The following TRAPPC12 variants were observed in gnomAD, a reference collection of about 807,000 sequenced individuals.
The protein encoded by TRAPPC12 is TPR repeat protein 15.
Under a neutral mutation model 69.2 loss-of-function variants are expected in TRAPPC12, and 61 were observed. The observed-to-expected ratio is 0.88, with a 90% CI of 0.72 to 1.09. TRAPPC12 has a LOEUF of 1.09. Among genes scored for constraint, TRAPPC12 ranks in the 50% least tolerant of loss-of-function variants. The pLI is 0.00. For missense variants in TRAPPC12, 1,101 were observed against 1,016.4 expected (o/e 1.08, Z -1.13); for synonymous variants, 469 against 438.9 (o/e 1.07, Z -0.86).
rs147620184 is a variant in TRAPPC12 at position 3,470,876 on chromosome 2, C to T, written c.1776+5181C>T. Among the ~76,000 whole-genome samples, 728 of 152,306 alleles carry T rather than the reference C, an allele frequency of 4.8e-3. 27 individuals carry two copies. Among genetic ancestry groups the T allele is most frequent in the Admixed American group, 0.041 (628 of 15,300 alleles). ...TGCTATAAAGGAACCATGCTAACTC[C>T]AGAGATGACCCAGCCGGACAGAGGT... On this transcript the variant is annotated intron_variant, in intron 9 of 11. Coordinates refer to ENST00000324266, the MANE Select transcript of TRAPPC12 (RefSeq NM_016030.6).
chr2:3,458,026 C>T, intron 7 of TRAPPC12: 2 of 1,135,274 alleles, frequency 1.8e-6, no homozygotes, highest in Non-Finnish European at 2.2e-6. Flanking sequence ...CCCAGAGGGG[C>T]CTCTGCGTCG....
At chr2:3,392,704 T>G (rs971913699) in intron 2 of TRAPPC12, among the ~76,000 whole-genome samples, 7 of 152,144 alleles carry the variant, frequency 4.6e-5, no homozygotes, top group African/African-American at 1.4e-4. Flanking sequence ...GGTGAGGGTG[T>G]GGAGAAAGGG....
intron 9 of TRAPPC12, chr2:3,467,778 G>A (rs11686236): frequency 0.27 from 40,427 of 152,236 alleles, 5,520 homozygotes; most frequent in East Asian, 0.4. Context: ...AACACTCCTG[G>A]GTGCACCTGG....
At chr2:3,418,197 CAA>C (rs1450163951) in intron 3 of TRAPPC12, among the ~76,000 whole-genome samples, 1 of 151,044 alleles carries the variant, frequency 6.6e-6, no homozygotes, top group Non-Finnish European at 1.5e-5. Context: ...CATATCTCTA[CAA>C]ATACTCGCCT....
chr2:3,455,231 A>C (rs1424951918), intron 6 of TRAPPC12: 1 of 152,132 alleles, frequency 6.6e-6, no homozygotes, highest in Non-Finnish European at 1.5e-5. Context: ...TTTTTTAATA[A>C]ATTTTAATTT....
At chr2:3,418,690 T>C (rs1444927344) in intron 3 of TRAPPC12, among the ~76,000 whole-genome samples, 1 of 151,658 alleles carries the variant, frequency 6.6e-6, no homozygotes, top group East Asian at 1.9e-4. Context: ...CAGTAGGGGG[T>C]GGGGGGCGTC....
At chr2:3,431,255 A>T (rs1167563568) in intron 5 of TRAPPC12, among the ~76,000 whole-genome samples, 3 of 152,326 alleles carry the variant, frequency 2.0e-5, no homozygotes, top group Non-Finnish European at 4.4e-5. Flanking sequence ...CATCCCACAG[A>T]GTCTTTGGCC....
At chr2:3,398,215 A>G (rs1053958008) in intron 2 of TRAPPC12, among the ~76,000 whole-genome samples, 1 of 152,098 alleles carries the variant, frequency 6.6e-6, no homozygotes, top group African/African-American at 2.4e-5. Context: ...GTGATCTGGG[A>G]TGTATAGCTA....
chr2:3,412,507 G>A (rs1662119562), intron 3 of TRAPPC12, among the ~76,000 whole-genome samples: 1 of 152,182 alleles, frequency 6.6e-6, no homozygotes, highest in Non-Finnish European at 1.5e-5. Flanking sequence ...GTTGCAGTGA[G>A]CCAAGATCGC....
chr2:3,432,110 G>A (rs968193426), intron 5 of TRAPPC12, among the ~76,000 whole-genome samples: 1 of 152,150 alleles, frequency 6.6e-6, no homozygotes, highest in Non-Finnish European at 1.5e-5. Flanking sequence ...AGATCTTCCC[G>A]CTGGAAATAA....
chr2:3,388,667 C>T lies in TRAPPC12; in HGVS notation c.1044C>T (p.Ile348=), dbSNP rs1163374947. Residue 348 remains isoleucine, a synonymous_variant, in exon 2 of 12, where the codon ATC becomes ATT. Coordinates refer to ENST00000324266, the MANE Select transcript of TRAPPC12 (RefSeq NM_016030.6). ...TGCCGGGCCTCAGGTTCGACAACAT[C>T]CAGGTGAGCCCGGGTCTCCCACCTC... ...LTMPGLRFDN[I]QGDAVKDLML... 1 of 1,544,758 alleles carries T rather than the reference C, an allele frequency of 6.5e-7. No individual in the cohort carries two copies. The highest frequency in any genetic ancestry group is 8.8e-7 in the Non-Finnish European group (1 of 1,142,050).
chr2:3,478,772 C>T (rs572292333), intron 10 of TRAPPC12, 74 bp from the exon 11 acceptor site: 2 of 1,331,790 alleles, frequency 1.5e-6, no homozygotes, highest in African/African-American at 1.4e-5. Context: ...GGATCCAAAG[C>T]CCCTGTGGGT....
At chr2:3,470,684 GATAC>G (rs1666024646) in intron 9 of TRAPPC12, among the ~76,000 whole-genome samples, 1 of 152,216 alleles carries the variant, frequency 6.6e-6, no homozygotes, top group Non-Finnish European at 1.5e-5. Context: ...GTCTGAGAAA[GATAC>G]ATACAGCCAC....
At position 3,395,649 on chromosome 2, in the gene TRAPPC12, G is replaced by A. The variant is rs1357840385; in HGVS notation, c.1048-6128G>A. On this transcript the variant is annotated intron_variant, in intron 2 of 11. Coordinates refer to ENST00000324266, the MANE Select transcript of TRAPPC12 (RefSeq NM_016030.6). ...ACAATCACAGCTCACTGCAACCTCC[G>A]CCTCCCAGGTTTAAGTGATTCTCAT... 2.9e-5 allele frequency among the ~76,000 whole-genome samples: 4 copies of A among 136,424 alleles called. No individual in the cohort carries two copies. The East Asian group carries it at 6.8e-4, about 23-fold the overall frequency. 89.5% of individuals were successfully genotyped at this position (136,424 alleles called of 152,430 possible).
chr2:3,457,609 G>T lies in TRAPPC12; in HGVS notation c.1531-12G>T. On this transcript the variant is annotated splice_polypyrimidine_tract_variant and intron_variant, in intron 6 of 11. Coordinates refer to ENST00000324266, the MANE Select transcript of TRAPPC12 (RefSeq NM_016030.6). ...CCCATGATTTTGTCCTTCTCATTTG[G>T]AATGATTGCAGATCCTGGCCAATTT... 6.2e-7 allele frequency: 1 copy of T among 1,612,210 alleles called. No individual in the cohort carries two copies. The highest frequency in any genetic ancestry group is 8.5e-7 in the Non-Finnish European group (1 of 1,179,524).
intron 9 of TRAPPC12, among the ~76,000 whole-genome samples, chr2:3,476,150 G>A (rs948442728): frequency 3.9e-5 from 6 of 152,286 alleles, no homozygotes; most frequent in South Asian, 2.1e-4. Flanking sequence ...GTGTGTGCAC[G>A]CCTGTGTTTT....
intron 3 of TRAPPC12, among the ~76,000 whole-genome samples, chr2:3,408,447 C>G (rs1280817599): frequency 6.6e-6 from 1 of 152,026 alleles, no homozygotes; most frequent in Non-Finnish European, 1.5e-5. Context: ...GGCAACATGG[C>G]AAAACCCCGC....
At chr2:3,393,552 A>G (rs1395797885) in intron 2 of TRAPPC12, among the ~76,000 whole-genome samples, 2 of 152,170 alleles carry the variant, frequency 1.3e-5, no homozygotes, top group Admixed American at 1.3e-4. Context: ...GGTTGTGTTA[A>G]TTATTTCGAC....
chr2:3,383,865 A>G (rs1660350029), intron 1 of TRAPPC12, among the ~76,000 whole-genome samples: 2 of 111,470 alleles, frequency 1.8e-5, no homozygotes, highest in African/African-American at 3.0e-5. Context: ...GTGATAGTTC[A>G]GTCTTGTTTT....
Sources: gnomAD v4.1 joint callset for allele counts (sites outside exome capture counted in the v4.1 genomes callset) on GRCh38, gnomAD v4.1.1 for gene constraint, MANE v1.5 for transcripts, NCBI Gene and HGNC (gene_info 2026-07-23, HGNC 2026-07-21) for gene names.